The following PLA2G4A variants were observed in gnomAD, a reference collection of about 807,000 sequenced individuals.
PLA2G4A encodes phospholipase A2 group IVA, also known as cytosolic phospholipase A2.
Under a neutral mutation model 81.9 loss-of-function variants are expected in PLA2G4A, and 40 were observed. The ratio of observed to expected loss-of-function variants is 0.49; its 90% confidence interval spans 0.38 to 0.64. The LOEUF (loss-of-function observed/expected upper bound fraction) is 0.64. Ranked by LOEUF, PLA2G4A falls within the 30% of genes least tolerant of loss-of-function variation. The pLI, the probability that PLA2G4A is intolerant of heterozygous loss-of-function variation, is 0.00. For missense variants in PLA2G4A, 715 were observed against 905.1 expected (o/e 0.79, Z 2.69); for synonymous variants, 302 against 296.9 (o/e 1.02, Z -0.18).
chr1:186,920,037 C>G (rs1005855491), intron 7 of PLA2G4A, among the ~76,000 whole-genome samples: 1 of 152,174 alleles, frequency 6.6e-6, no homozygotes, highest in Non-Finnish European at 1.5e-5. Flanking sequence ...CGTCTATGAG[C>G]ACGGGGGCTT....
chr1:186,965,067 T>C (rs1481159689), intron 14 of PLA2G4A, among the ~76,000 whole-genome samples: 1 of 152,218 alleles, frequency 6.6e-6, no homozygotes, highest in Admixed American at 6.5e-5. Flanking sequence ...TTTAGAAACA[T>C]GTAAAGACCT....
At chr1:186,943,827 A>T (rs1035840910) in intron 10 of PLA2G4A, among the ~76,000 whole-genome samples, 3 of 152,172 alleles carry the variant, frequency 2.0e-5, no homozygotes, top group Non-Finnish European at 4.4e-5. Context: ...TTTTAATTCC[A>T]GACAGAAATA....
chr1:186,938,376 A>G (rs1353027260), intron 8 of PLA2G4A, among the ~76,000 whole-genome samples: 1 of 152,136 alleles, frequency 6.6e-6, no homozygotes, highest in South Asian at 2.1e-4. Flanking sequence ...TGGCTGGCAG[A>G]CAAGAGGCTT....
rs1242387621 is a variant in PLA2G4A, at chr1:186,894,223, T to A, written c.378+12T>A. On this transcript the variant is annotated intron_variant, in intron 5 of 17. Coordinates refer to ENST00000367466, the MANE Select transcript of PLA2G4A (RefSeq NM_024420.3). Reference sequence around the variant, plus strand: ...TTATTTTCAACCAAGTAAGTAACACTGCAGAATTATATTCCAACCTTATGT... The same window carrying A: ...TTATTTTCAACCAAGTAAGTAACACAGCAGAATTATATTCCAACCTTATGT... 3 of 906,904 alleles carry A rather than the reference T, an allele frequency of 3.3e-6. No individual in the cohort carries two copies. The Admixed American group carries it at 5.2e-5, about 16-fold the overall frequency. 56.2% of individuals were successfully genotyped at this position (906,904 alleles called of 1,614,324 possible).
intron 7 of PLA2G4A, among the ~76,000 whole-genome samples, chr1:186,916,811 C>T (rs967813127): frequency 1.1e-4 from 16 of 152,178 alleles, no homozygotes; most frequent in Non-Finnish European, 2.1e-4. Context: ...TGCCCTACCT[C>T]GGTAACCTGA....
chr1:186,964,803 A>AC (rs1242798773), intron 14 of PLA2G4A, among the ~76,000 whole-genome samples: 1 of 152,184 alleles, frequency 6.6e-6, no homozygotes, highest in Admixed American at 6.5e-5. Context: ...CAGCATCTGG[A>AC]ATCATATCTG....
intron 1 of PLA2G4A, among the ~76,000 whole-genome samples, chr1:186,836,614 C>T (rs1651787444): frequency 6.6e-6 from 1 of 151,974 alleles, no homozygotes; most frequent in Non-Finnish European, 1.5e-5. Flanking sequence ...TTTCACTTAC[C>T]AATTTTGCCT....
chr1:186,899,040 C>A (rs1638233146), intron 5 of PLA2G4A, among the ~76,000 whole-genome samples: 1 of 152,024 alleles, frequency 6.6e-6, no homozygotes. Context: ...TTCTACTTAG[C>A]GAGACAGATG....
chr1:186,960,407 G>A (rs1010395666), intron 14 of PLA2G4A, among the ~76,000 whole-genome samples: 1 of 152,138 alleles, frequency 6.6e-6, no homozygotes, highest in African/African-American at 2.4e-5. Flanking sequence ...CTAAAACAGA[G>A]TTATGTTTCC....
rs908817091 is a variant in PLA2G4A at position 186,912,766 on chromosome 1, GTA to G, written c.558+1387_558+1388del. 7.1e-3 allele frequency among the ~76,000 whole-genome samples: 711 copies of G among 100,670 alleles called. 6 individuals are homozygous for G. Among genetic ancestry groups the G allele is most frequent in the African/African-American group, 0.02 (338 of 16,752 alleles). 66.0% of individuals were successfully genotyped at this position (100,670 alleles called of 152,430 possible). On this transcript the variant is annotated intron_variant, in intron 7 of 17. Coordinates refer to ENST00000367466, the MANE Select transcript of PLA2G4A (RefSeq NM_024420.3). ...CATATATATGTATATATATACATAA[GTA>G]TATATATATGTATACTTATATATAT...
chr1:186,939,071 A>G lies in PLA2G4A; in HGVS notation c.759A>G (p.Glu253=), dbSNP rs762332602. Reference sequence around the variant, plus strand: ...AGAAAGGGCCAGAGGAGATTAATGAAGAACTAATGAAAAATGTTAGCCACA... The same window carrying G: ...AGAAAGGGCCAGAGGAGATTAATGAGGAACTAATGAAAAATGTTAGCCACA... ...FPEKGPEEIN[E]ELMKNVSHNP... The change falls in exon 9 of 18, where the codon GAA becomes GAG. Residue 253 remains glutamate, a synonymous_variant. Coordinates refer to ENST00000367466, the MANE Select transcript of PLA2G4A (RefSeq NM_024420.3). 13 of 1,611,644 alleles carry G rather than the reference A, an allele frequency of 8.1e-6. No individual in the cohort carries two copies. In the South Asian group the frequency reaches 1.4e-4, roughly 18 times the overall value.
chr1:186,866,964 T>G (rs1490104100), intron 2 of PLA2G4A, among the ~76,000 whole-genome samples: 3 of 152,204 alleles, frequency 2.0e-5, no homozygotes, highest in Admixed American at 6.5e-5. Context: ...CTTTGCTTCA[T>G]TTTATTGTCT....
At chr1:186,848,736 C>CACACACACATACACACATACAT (rs1652272553) in intron 1 of PLA2G4A, among the ~76,000 whole-genome samples, 7 of 152,044 alleles carry the variant, frequency 4.6e-5, no homozygotes, top group Admixed American at 4.6e-4. Context: ...CACACACACA[C>CACACACACATACACACATACAT]ACACACACAT....
intron 1 of PLA2G4A, among the ~76,000 whole-genome samples, chr1:186,852,965 T>C (rs972873926): frequency 6.6e-6 from 1 of 151,994 alleles, no homozygotes; most frequent in Non-Finnish European, 1.5e-5. Context: ...ATTTTGAGCC[T>C]GATTAATATG....
At chr1:186,929,570 C>T (rs529604164) in intron 7 of PLA2G4A, among the ~76,000 whole-genome samples, 26 of 152,164 alleles carry the variant, frequency 1.7e-4, no homozygotes, top group African/African-American at 5.3e-4. Context: ...ACTGAGCCCA[C>T]AGAGTGTTTT....
chr1:186,857,566 A>C (rs1311767957), intron 2 of PLA2G4A, among the ~76,000 whole-genome samples: 1 of 143,768 alleles, frequency 7.0e-6, no homozygotes, highest in East Asian at 2.0e-4. Flanking sequence ...AAATTATAAT[A>C]TTAATATAAA....
chr1:186,939,233 A>G lies in PLA2G4A; in HGVS notation c.918+3A>G, dbSNP rs776539221. ...TAGGAGAAACACTAATTCATAATGT[A>G]AGTTACAGTTCAATCTACACTGCTT... On this transcript the variant is annotated splice_donor_region_variant and intron_variant, in intron 9 of 17. Coordinates refer to ENST00000367466, the MANE Select transcript of PLA2G4A (RefSeq NM_024420.3). 5 of 1,346,216 alleles carry G rather than the reference A, an allele frequency of 3.7e-6. No individual in the cohort carries two copies. The African/African-American group carries it at 7.2e-5, about 19-fold the overall frequency. 83.4% of individuals were successfully genotyped at this position (1,346,216 alleles called of 1,614,324 possible).
chr1:186,847,102 T>A (rs1429459551), intron 1 of PLA2G4A, among the ~76,000 whole-genome samples: 3 of 150,896 alleles, frequency 2.0e-5, no homozygotes, highest in Non-Finnish European at 4.4e-5. Context: ...TTTATATTAA[T>A]CTACATATAT....
intron 5 of PLA2G4A, among the ~76,000 whole-genome samples, chr1:186,898,789 C>T (rs1180043684): frequency 6.6e-6 from 1 of 152,164 alleles, no homozygotes; most frequent in African/African-American, 2.4e-5. Flanking sequence ...TGGCCAACAA[C>T]AGTATACTTT....
Sources: allele counts gnomAD v4.1 joint callset (sites outside exome capture counted in the v4.1 genomes callset), GRCh38; gene constraint gnomAD v4.1.1; transcripts MANE v1.5; gene names NCBI Gene and HGNC (gene_info 2026-07-23, HGNC 2026-07-21).